The following VPS50 variants were observed in gnomAD, a reference collection of about 807,000 sequenced individuals.
VPS50 encodes syndetin.
In VPS50, 70 loss-of-function variants were observed where a neutral mutation model predicts 139.7. The observed-to-expected ratio is 0.50, with a 90% CI of 0.41 to 0.61. The LOEUF (loss-of-function observed/expected upper bound fraction) is 0.61. Among genes scored for constraint, VPS50 ranks in the 20% least tolerant of loss-of-function variants. The pLI, the probability that VPS50 is intolerant of heterozygous loss-of-function variation, is 0.00. For synonymous variants in VPS50, 365 were observed against 376.7 expected (o/e 0.97, Z 0.36); for missense variants, 921 against 1,133.7 (o/e 0.81, Z 2.69).
chr7:93,257,576 A>G lies in VPS50; in HGVS notation c.422+112A>G, dbSNP rs1243696839. Reference sequence around the variant, plus strand: ...AAATTATGGATGTGGTTTCTAGAATATCATTCCTTAAGTGAACATATATCA... The same window carrying G: ...AAATTATGGATGTGGTTTCTAGAATGTCATTCCTTAAGTGAACATATATCA... On this transcript the variant is annotated intron_variant, in intron 6 of 27. Transcript: ENST00000305866. 12 of 623,218 alleles carry G rather than the reference A, an allele frequency of 1.9e-5. 1 individual carries two copies. The South Asian group carries it at 1.9e-4, about 10-fold the overall frequency. The allele number at this position is 623,218 out of a possible 1,614,324, so 38.6% of individuals were successfully genotyped here. A position where few individuals can be genotyped will look rare whatever the true frequency, so the allele number is the denominator to read the frequency against.
chr7:93,324,437 CTCT>C (rs1262070638), intron 21 of VPS50, among the ~76,000 whole-genome samples: 1 of 152,124 alleles, frequency 6.6e-6, no homozygotes, highest in Non-Finnish European at 1.5e-5. Context: ...TCATAGATAG[CTCT>C]TATTATTTTG....
At chr7:93,285,418 A>G (rs903725318) in intron 12 of VPS50, among the ~76,000 whole-genome samples, 1 of 152,234 alleles carries the variant, frequency 6.6e-6, no homozygotes, top group African/African-American at 2.4e-5. Flanking sequence ...GAGATTTCTT[A>G]TAAGTATTAA....
intron 20 of VPS50, 52 bp from the exon 21 acceptor site, chr7:93,323,559 T>G: frequency 1.4e-6 from 1 of 712,068 alleles, no homozygotes; most frequent in Non-Finnish European, 2.1e-6. Flanking sequence ...AATTATAGAC[T>G]AACAGATTTT....
intron 22 of VPS50, among the ~76,000 whole-genome samples, chr7:93,335,183 G>A (rs942298974): frequency 6.6e-6 from 1 of 152,182 alleles, no homozygotes; most frequent in African/African-American, 2.4e-5. Context: ...ACAAACAAAT[G>A]TGTAACATAG....
chr7:93,321,957 C>T (rs1430723426), intron 20 of VPS50, among the ~76,000 whole-genome samples: 1 of 152,084 alleles, frequency 6.6e-6, no homozygotes, highest in African/African-American at 2.4e-5. Flanking sequence ...GAGGAAATAC[C>T]TGCATAATGA....
rs1796748380 is a variant in VPS50, at chr7:93,294,568, G to A, written c.1099G>A (p.Glu367Lys). Reference protein sequence around the residue: ...ASEGSNMIGTEETNFDRGYIK... With the variant: ...ASEGSNMIGTKETNFDRGYIK... ...AGAAGGGAGTAATATGATAGGTACT[G>A]AAGAAACTAATTTTGATCGTGGCTA... The change falls in exon 14 of 28, where the codon GAA (glutamate) becomes AAA (lysine). Residue 367 changes from glutamate (E) to lysine (K), a missense_variant. Glu to Lys is a moderately conservative substitution (Grantham distance 56). Around this residue, in one of 3 missense-constraint regions of VPS50, gnomAD observed 744 missense variants for 930.6 expected, o/e 0.80. Coordinates refer to ENST00000305866, the MANE Select transcript of VPS50 (RefSeq NM_017667.4). The A allele has an allele frequency of 2.5e-6, 4 of 1,595,072 alleles. No homozygotes were observed. The highest frequency in any genetic ancestry group is 2.6e-6 in the Non-Finnish European group (3 of 1,171,866).
At chr7:93,279,719 T>C (rs1167985715) in intron 12 of VPS50, among the ~76,000 whole-genome samples, 1 of 152,208 alleles carries the variant, frequency 6.6e-6, no homozygotes, top group African/African-American at 2.4e-5. Context: ...CTAGGCATTT[T>C]GGCAGTTTAT....
chr7:93,338,055 T>G (rs965729441), intron 22 of VPS50, among the ~76,000 whole-genome samples: 3 of 152,176 alleles, frequency 2.0e-5, no homozygotes, highest in African/African-American at 7.2e-5. Flanking sequence ...TTTTCATGTT[T>G]CAGAGTTTTA....
At chr7:93,291,912 G>A in intron 13 of VPS50, 77 bp downstream of exon 13, 2 of 999,306 alleles carry the variant, frequency 2.0e-6, no homozygotes, top group Non-Finnish European at 2.8e-6. Flanking sequence ...AGAAAGGAAA[G>A]GGGCAGGAAT....
intron 1 of VPS50, among the ~76,000 whole-genome samples, chr7:93,235,403 G>C (rs923637303): frequency 6.6e-6 from 1 of 152,186 alleles, no homozygotes; most frequent in African/African-American, 2.4e-5. Flanking sequence ...ACTTCAGACA[G>C]ACCATTTGGA....
chr7:93,238,563 C>G (rs1452984832), intron 1 of VPS50, among the ~76,000 whole-genome samples: 1 of 152,074 alleles, frequency 6.6e-6, no homozygotes, highest in African/African-American at 2.4e-5. Context: ...AACTTTACTA[C>G]TTTGGCTGAG....
At chr7:93,238,588 G>T (rs1355018837) in intron 1 of VPS50, among the ~76,000 whole-genome samples, 2 of 152,142 alleles carry the variant, frequency 1.3e-5, no homozygotes, top group Non-Finnish European at 2.9e-5. Context: ...TGTCTTGGAA[G>T]ATGTCTTACT....
intron 9 of VPS50, among the ~76,000 whole-genome samples, chr7:93,269,502 A>G (rs942918395): frequency 2.0e-5 from 3 of 152,126 alleles, no homozygotes; most frequent in Admixed American, 1.3e-4. Flanking sequence ...GATAAATACT[A>G]TTTGCAGAAA....
chr7:93,305,003 C>T (rs1212859054), intron 17 of VPS50, among the ~76,000 whole-genome samples: 1 of 151,754 alleles, frequency 6.6e-6, no homozygotes, highest in Non-Finnish European at 1.5e-5. Context: ...TTTAAGAATA[C>T]CTTTGAAGAA....
chr7:93,339,508 A>G (rs1798156411), intron 22 of VPS50, among the ~76,000 whole-genome samples: 1 of 152,232 alleles, frequency 6.6e-6, no homozygotes, highest in Non-Finnish European at 1.5e-5. Context: ...TGTAAAAAGT[A>G]ATCTAGCTTT....
chr7:93,306,527 A>C (rs1393111359), intron 18 of VPS50, among the ~76,000 whole-genome samples: 1 of 151,940 alleles, frequency 6.6e-6, no homozygotes, highest in African/African-American at 2.4e-5. Context: ...TATTAACTAG[A>C]CGTAGTGTGA....
At chr7:93,255,009 T>C (rs1795445912) in intron 4 of VPS50, among the ~76,000 whole-genome samples, 1 of 151,990 alleles carries the variant, frequency 6.6e-6, no homozygotes, top group African/African-American at 2.4e-5. Context: ...GGAGAAGGGA[T>C]TTGAGCTCTA....
chr7:93,297,146 T>A lies in VPS50; in HGVS notation c.1264T>A (p.Leu422Met), dbSNP rs547841999. ...ACTGAAACCTTTTTATCCAACTAGGTTGATGCAAGTTGGAGAAGAATTTTG... is the reference window on the plus strand; with the variant it reads ...ACTGAAACCTTTTTATCCAACTAGGATGATGCAAGTTGGAGAAGAATTTTG... ...FIFVLDIISR[L>M]MQVGEEFCGS... is the part of the protein sequence containing the mutation. Residue 422 changes from leucine (L) to methionine (M), a missense_variant and splice_region_variant, in exon 16 of 28, where the codon TTG becomes ATG. By Grantham distance (15) the Leu-to-Met change is conservative (BLOSUM62 2). Around this residue, in one of 3 missense-constraint regions of VPS50, gnomAD observed 744 missense variants for 930.6 expected, o/e 0.80. Transcript: ENST00000305866. The A allele has an allele frequency of 1.9e-6, 3 of 1,562,234 alleles. No individual in the cohort carries two copies. The highest frequency in any genetic ancestry group is 2.5e-5 in the South Asian group (2 of 79,668).
chr7:93,283,899 T>C (rs1796404521), intron 12 of VPS50, among the ~76,000 whole-genome samples: 1 of 152,162 alleles, frequency 6.6e-6, no homozygotes, highest in Non-Finnish European at 1.5e-5. Flanking sequence ...GTGGTTTGGT[T>C]GTTTCTAATG....
Sources: allele counts gnomAD v4.1 joint callset (sites outside exome capture counted in the v4.1 genomes callset), GRCh38; gene constraint gnomAD v4.1.1; regional missense constraint gnomAD v4.1.1; transcripts MANE v1.5; gene names NCBI Gene and HGNC (gene_info 2026-07-23, HGNC 2026-07-21).